Variants in IRAK2 observed in about 807,000 individuals in gnomAD.
The protein encoded by IRAK2 is interleukin 1 receptor associated kinase 2.
Under a neutral mutation model 72.0 loss-of-function variants are expected in IRAK2, and 57 were observed. The ratio of observed to expected loss-of-function variants is 0.79; its 90% CI spans 0.64 to 0.99. The LOEUF (loss-of-function observed/expected upper bound fraction) is 0.99, where lower values mean the gene tolerates loss of function less well. Among genes scored for constraint, IRAK2 ranks in the 50% least tolerant of loss-of-function variants. The pLI, the probability that IRAK2 is intolerant of heterozygous loss-of-function variation, is 0.00. For missense variants in IRAK2, 790 were observed against 794.4 expected, an observed-to-expected ratio of 0.99 and a Z score of 0.07; for synonymous variants, 293 against 312.7, an observed-to-expected ratio of 0.94 and a Z score of 0.67.
At chr3:10,211,598 G>T (rs1360947080) in intron 4 of IRAK2, among the ~76,000 whole-genome samples, 3 of 152,094 alleles carry the variant, frequency 2.0e-5, no homozygotes, top group Non-Finnish European at 4.4e-5. Context: ...CAGCCTTGGT[G>T]TCAAAGTGAG....
At chr3:10,199,788 T>C (rs2125151307) in intron 2 of IRAK2, among the ~76,000 whole-genome samples, 1 of 152,082 alleles carries the variant, frequency 6.6e-6, no homozygotes, top group South Asian at 2.1e-4. Context: ...AGGTGACTTG[T>C]TGGAGGTCAC....
chr3:10,236,450 CA>C (rs1697962329), intron 11 of IRAK2, among the ~76,000 whole-genome samples: 1 of 147,538 alleles, frequency 6.8e-6, no homozygotes, highest in Non-Finnish European at 1.5e-5. Context: ...CAGGTTCAAG[CA>C]ATTCTCCTGC....
chr3:10,234,717 G>T (rs1212548673), intron 11 of IRAK2, 58 bp downstream of exon 11: 4 of 1,482,662 alleles, frequency 2.7e-6, no homozygotes, highest in Non-Finnish European at 3.7e-6. Flanking sequence ...CACCTCATCG[G>T]GGACGGCCCC....
chr3:10,231,936 C>T (rs1354424943), intron 10 of IRAK2, among the ~76,000 whole-genome samples: 4 of 152,094 alleles, frequency 2.6e-5, no homozygotes, highest in African/African-American at 9.7e-5. Flanking sequence ...ACCATCCTGG[C>T]TAACATGGTG....
chr3:10,170,112 G>C (rs920270746), intron 1 of IRAK2, among the ~76,000 whole-genome samples: 1 of 152,130 alleles, frequency 6.6e-6, no homozygotes, highest in East Asian at 1.9e-4. Flanking sequence ...GGGAGGAGTC[G>C]GTCTCCTGGC....
intron 3 of IRAK2, among the ~76,000 whole-genome samples, chr3:10,209,030 T>C (rs1410844502): frequency 6.6e-6 from 1 of 151,956 alleles, no homozygotes; most frequent in African/African-American, 2.4e-5. Context: ...GTTGAAAACG[T>C]TTCTCCATAT....
chr3:10,207,272 G>A (rs1439679261), intron 3 of IRAK2, among the ~76,000 whole-genome samples: 2 of 152,096 alleles, frequency 1.3e-5, no homozygotes, highest in Non-Finnish European at 2.9e-5. Flanking sequence ...TTTTTTAATA[G>A]CCAAAGTTCC....
At chr3:10,178,149 T>C (rs1696907096) in intron 2 of IRAK2, 129 bp downstream of exon 2, 1 of 769,026 alleles carries the variant, frequency 1.3e-6, no homozygotes, top group Admixed American at 3.0e-5. Context: ...TGAGTGAGTT[T>C]ACCATGCACA....
intron 1 of IRAK2, 121 bp from the exon 2 acceptor site, chr3:10,177,717 A>T (rs972071405): frequency 2.2e-6 from 2 of 928,098 alleles, no homozygotes; most frequent in Non-Finnish European, 3.4e-6. Flanking sequence ...TGGTGTTTCC[A>T]GTGTGGAGGC....
At chr3:10,196,911 C>T (rs546532317) in intron 2 of IRAK2, among the ~76,000 whole-genome samples, 4 of 152,238 alleles carry the variant, frequency 2.6e-5, no homozygotes, top group East Asian at 1.9e-4. Flanking sequence ...CCAGAGGGGT[C>T]CCCAGGGCAA....
chr3:10,189,057 C>A (rs1697130867), intron 2 of IRAK2, among the ~76,000 whole-genome samples: 1 of 152,206 alleles, frequency 6.6e-6, no homozygotes, highest in Admixed American at 6.5e-5. Context: ...AGCTTACAGT[C>A]CAGTGGGAGA....
chr3:10,231,736 G>A (rs959201319), intron 10 of IRAK2, among the ~76,000 whole-genome samples: 5 of 152,064 alleles, frequency 3.3e-5, no homozygotes, highest in African/African-American at 1.2e-4. Flanking sequence ...GGCGAGTTTC[G>A]AGCTCCTGGG....
At position 10,222,772 on chromosome 3, in the gene IRAK2, G is replaced by A; in HGVS notation, c.1150G>A (p.Glu384Lys). ...LLRTSAAYLP[E>K]DFIRVGQLTK... ...CCGGACGTCAGCCGCGTATCTGCCA[G>A]AGGATTTCATCCGGGTGGGGCAGCT... Residue 384 changes from glutamate (E) to lysine (K), a missense_variant, in exon 9 of 13, where the codon GAG (glutamate) becomes AAG (lysine). Glu to Lys is a moderately conservative substitution (Grantham distance 56, BLOSUM62 1). Transcript: ENST00000256458. The A allele has an allele frequency of 6.2e-7, 1 of 1,614,202 alleles. No homozygotes were observed. Among genetic ancestry groups the A allele is most frequent in the Non-Finnish European group, 8.5e-7 (1 of 1,180,038 alleles).
At chr3:10,199,884 C>CTT (rs145377518) in intron 2 of IRAK2, among the ~76,000 whole-genome samples, 2,600 of 124,060 alleles carry the variant, frequency 0.021, 187 homozygotes, top group African/African-American at 0.081. Flanking sequence ...AGCCACTGCT[C>CTT]TTTTTTTTTT....
At chr3:10,192,766 A>G (rs947849507) in intron 2 of IRAK2, among the ~76,000 whole-genome samples, 1 of 152,110 alleles carries the variant, frequency 6.6e-6, no homozygotes, top group African/African-American at 2.4e-5. Context: ...TAAAAATACA[A>G]AAATTAGCCG....
At position 10,207,176 on chromosome 3, in the gene IRAK2, C is replaced by G. The variant is rs184280946; in HGVS notation, c.425-2413C>G. 1.8e-3 allele frequency among the ~76,000 whole-genome samples: 280 copies of G among 152,210 alleles called. 2 individuals carry two copies. The highest frequency in any genetic ancestry group is 6.3e-3 in the African/African-American group (261 of 41,530). On this transcript the variant is annotated intron_variant, in intron 3 of 12. Transcript: ENST00000256458. ...CACAATCTTGGCTCATGGTCTTAAA[C>G]TCTTAACCTCAGGTGATCCACCTGC... is the stretch of plus-strand genomic sequence containing the variant.
intron 6 of IRAK2, among the ~76,000 whole-genome samples, chr3:10,215,953 C>T (rs1697599384): frequency 6.6e-6 from 1 of 152,162 alleles, no homozygotes; most frequent in South Asian, 2.1e-4. Flanking sequence ...GAGCCCCTGC[C>T]TTGGGGAGGT....
intron 6 of IRAK2, among the ~76,000 whole-genome samples, chr3:10,216,678 C>T (rs972513431): frequency 1.1e-4 from 17 of 152,210 alleles, no homozygotes; most frequent in South Asian, 6.2e-4. Context: ...TCTCAGTCTC[C>T]GTTTCTGGAG....
chr3:10,172,899 T>G (rs1275593481), intron 1 of IRAK2, among the ~76,000 whole-genome samples: 3 of 146,260 alleles, frequency 2.1e-5, no homozygotes, highest in African/African-American at 7.5e-5. Flanking sequence ...CAGGCTGGTC[T>G]CAAACTCCTG....
Sources: gnomAD v4.1 joint callset for allele counts (sites outside exome capture counted in the v4.1 genomes callset) on GRCh38, gnomAD v4.1.1 for gene constraint, MANE v1.5 for transcripts, NCBI Gene and HGNC (gene_info 2026-07-23, HGNC 2026-07-21) for gene names.